The following CFAP46 variants were observed in gnomAD, a reference collection of about 807,000 sequenced individuals.
The protein encoded by CFAP46 is cilia and flagella associated protein 46.
A neutral mutation model predicts 325.7 loss-of-function variants in CFAP46; 245 were observed. The observed-to-expected ratio is 0.75, with a 90% confidence interval of 0.68 to 0.84. The LOEUF (loss-of-function observed/expected upper bound fraction) is 0.84, where lower values mean the gene tolerates loss of function less well. CFAP46 is among the 40% of genes least tolerant of loss of function. CFAP46 has a pLI of 0.00. For synonymous variants in CFAP46, 1,523 were observed against 1,495.9 expected, an observed-to-expected ratio of 1.02 and a Z score of -0.42; for missense variants, 3,346 against 3,543.0, an observed-to-expected ratio of 0.94 and a Z score of 1.41.
At chr10:132,933,144 G>A (rs1039956222) in intron 8 of CFAP46, among the ~76,000 whole-genome samples, 1 of 152,226 alleles carries the variant, frequency 6.6e-6, no homozygotes, top group African/African-American at 2.4e-5. Flanking sequence ...CTGGGTAGCT[G>A]TGGGCAGGAG....
At chr10:132,823,535 CGCTGTGTGCTGTGT>C (rs1438273689) in intron 50 of CFAP46, among the ~76,000 whole-genome samples, 2 of 63,798 alleles carry the variant, frequency 3.1e-5, no homozygotes, top group Non-Finnish European at 6.0e-5. Flanking sequence ...GTGCTGTGTG[CGCTGTGTGCTGTGT>C]GCTGATGTGT....
At position 132,896,620 on chromosome 10, in the gene CFAP46, A is replaced by G. The variant is rs183975860; in HGVS notation, c.3219+2339T>C. ...ATAAACAAAAAGATAGACCATGTTCATGGATAGGAAGCCTTAACATTGTTA... is the reference window on the plus strand; with the variant it reads ...ATAAACAAAAAGATAGACCATGTTCGTGGATAGGAAGCCTTAACATTGTTA... On this transcript the variant is annotated intron_variant, in intron 24 of 57. Coordinates refer to ENST00000368586, the MANE Select transcript of CFAP46 (RefSeq NM_001200049.3). Among the ~76,000 whole-genome samples, 537 of 152,368 alleles carry G rather than the reference A, an allele frequency of 3.5e-3. 3 individuals are homozygous for G. Among genetic ancestry groups the G allele is most frequent in the Admixed American group, 8.8e-3 (135 of 15,312 alleles).
At chr10:132,918,819 T>C (rs1849676588) in intron 15 of CFAP46, among the ~76,000 whole-genome samples, 1 of 152,106 alleles carries the variant, frequency 6.6e-6, no homozygotes, top group East Asian at 1.9e-4. Context: ...TCCCCTGCCT[T>C]CTTGGGGGGT....
rs34588833 is a variant in CFAP46 at position 132,846,069 on chromosome 10, G to A, written c.6426C>T (p.Ala2142=). The stretch of plus-strand genomic sequence containing the variant: ...CGTGCCCGCTTACCTTGGACACGGC[G>A]GCCAGCCTCTGCTCCACACGGGCGC... The part of the protein sequence containing the change: ...SLGARVEQRL[A]AVSKAWQNLC... Residue 2142 remains alanine, a synonymous_variant, in exon 44 of 58, where the codon GCC becomes GCT. Coordinates refer to ENST00000368586, the MANE Select transcript of CFAP46 (RefSeq NM_001200049.3). 0.027 allele frequency: 42,540 copies of A among 1,583,634 alleles called. 1,953 individuals carry two copies. The highest frequency in any genetic ancestry group is 0.2 in the African/African-American group (15,208 of 74,686).
At position 132,834,755 on chromosome 10, in the gene CFAP46, C is replaced by T. The variant is rs373818627; in HGVS notation, c.6765G>A (p.Val2255=). 3.5e-5 allele frequency: 57 copies of T among 1,612,356 alleles called. No homozygotes were observed. Among genetic ancestry groups the T allele is most frequent in the Non-Finnish European group, 4.4e-5 (52 of 1,179,350 alleles). The change falls in exon 48 of 58, where the codon GTG becomes GTA. Residue 2255 remains valine (V), a synonymous_variant. Transcript: ENST00000368586. ...TCTGCACAGGGCGCTCCTTCTCTTC[C>T]ACCTGCAGGCCTTCTGGTTCCTACC... The part of the protein sequence containing the change: ...NIGSEPEGLQ[V]EEKERPVQRL...
In CFAP46 at chr10:132,860,780, A is replaced by G; in HGVS notation, c.5091+2T>C. The G allele has an allele frequency of 6.4e-7, 1 of 1,550,608 alleles. No individual in the cohort carries two copies. Among genetic ancestry groups the G allele is most frequent in the African/African-American group, 1.4e-5 (1 of 73,146 alleles). On this transcript the variant is annotated splice_donor_variant, in intron 36 of 57. Coordinates refer to ENST00000368586, the MANE Select transcript of CFAP46 (RefSeq NM_001200049.3). LOFTEE classifies it high-confidence loss of function. The stretch of plus-strand genomic sequence containing the variant: ...GCAGCCCCAGGTCCCCGTGCCTCTT[A>G]CCGTAGCTTCCCTTCCTGAGTGTTC...
chr10:132,926,890 G>A (rs1849819287), intron 9 of CFAP46, among the ~76,000 whole-genome samples: 2 of 152,212 alleles, frequency 1.3e-5, no homozygotes, highest in African/African-American at 2.4e-5. Flanking sequence ...ACCTGAGAGC[G>A]GCACGGGAGG....
At chr10:132,908,044 C>T (rs1849482187) in intron 22 of CFAP46, among the ~76,000 whole-genome samples, 1 of 152,260 alleles carries the variant, frequency 6.6e-6, no homozygotes, top group African/African-American at 2.4e-5. Context: ...AATGCACACG[C>T]GGCCAGCAGG....
intron 39 of CFAP46, among the ~76,000 whole-genome samples, chr10:132,853,529 A>T (rs1257517331): frequency 6.6e-6 from 1 of 152,212 alleles, no homozygotes; most frequent in Non-Finnish European, 1.5e-5. Context: ...TATTTGTATC[A>T]TAGAAAAAGT....
intron 19 of CFAP46, 50 bp downstream of exon 19, chr10:132,912,603 TCC>T: frequency 7.4e-7 from 1 of 1,360,226 alleles, no homozygotes; most frequent in Non-Finnish European, 9.7e-7. Flanking sequence ...CTCTCCTCTC[TCC>T]TCTCTCTCTC....
intron 24 of CFAP46, among the ~76,000 whole-genome samples, chr10:132,892,983 G>C (rs1008432334): frequency 6.6e-5 from 10 of 152,168 alleles, no homozygotes; most frequent in Admixed American, 1.3e-4. Context: ...ACTGGTCTCA[G>C]CCAGCACCAG....
chr10:132,885,783 TGGAGGGAGCACTCAC>T (rs1849118742), intron 26 of CFAP46, 23 bp downstream of exon 26: 1 of 1,370,646 alleles, frequency 7.3e-7, no homozygotes, highest in African/African-American at 3.5e-5. Context: ...ACTCAGGCGG[TGGAGGGAGCACTCAC>T]AGGCGGTGGG....
intron 38 of CFAP46, among the ~76,000 whole-genome samples, 182 bp downstream of exon 38, chr10:132,858,889 G>A (rs1442666246): frequency 6.6e-6 from 1 of 152,138 alleles, no homozygotes; most frequent in Non-Finnish European, 1.5e-5. Context: ...GACGGGGAGG[G>A]CTGGGCATGT....
rs556831958 is a variant in CFAP46, at chr10:132,835,236, G to T, written c.6744+68C>A. The T allele has an allele frequency of 8.9e-6, 14 of 1,578,518 alleles. No individual in the cohort carries two copies. The African/African-American group carries it at 1.9e-4, about 21-fold the overall frequency. On this transcript the variant is annotated intron_variant, in intron 47 of 57. Coordinates refer to ENST00000368586, the MANE Select transcript of CFAP46 (RefSeq NM_001200049.3). ...CCCGCCCCTCCCCCCACCTCGCCAG[G>T]GTCCTGGCTCCCAGGGGTGGGGAGC...
chr10:132,893,499 A>G (rs1226657325), intron 24 of CFAP46, among the ~76,000 whole-genome samples: 1 of 152,172 alleles, frequency 6.6e-6, no homozygotes, highest in African/African-American at 2.4e-5. Context: ...CTGGCAGGAA[A>G]CACTCTCTCG....
Position 132,872,710 on chromosome 10 carries a change from C to A in CFAP46, c.4477G>T (p.Gly1493Ter). The change falls in exon 32 of 58, where the codon GGA becomes TGA. Residue 1493 changes from glycine (G) to a stop codon, truncating the protein, a stop_gained. Transcript: ENST00000368586. LOFTEE classifies it high-confidence loss of function. ...TAGAGATCCGACAGGCCCTTGCTTCCCACCACGGAGTCCGAAATCAGCACC... is the reference window on the plus strand; with the variant it reads ...TAGAGATCCGACAGGCCCTTGCTTCACACCACGGAGTCCGAAATCAGCACC... ...LGVLISDSVV[G>*]SKGLSDLYHL... 6.4e-7 allele frequency: 1 copy of A among 1,550,700 alleles called. No homozygotes were observed. Among genetic ancestry groups the A allele is most frequent in the Non-Finnish European group, 8.7e-7 (1 of 1,147,030 alleles).
At chr10:132,849,346 T>G (rs1848496221) in intron 41 of CFAP46, among the ~76,000 whole-genome samples, 1 of 152,188 alleles carries the variant, frequency 6.6e-6, no homozygotes, top group African/African-American at 2.4e-5. Flanking sequence ...GGACAGACAT[T>G]TCAGGGCCGA....
At chr10:132,887,486 TCCCC>T (rs1849165733) in intron 25 of CFAP46, among the ~76,000 whole-genome samples, 1 of 101,420 alleles carries the variant, frequency 9.9e-6, no homozygotes, top group Non-Finnish European at 2.0e-5. Context: ...CTCTCCTCTC[TCCCC>T]TCTCGCCTAT....
chr10:132,865,101 G>A (rs966543297), intron 35 of CFAP46, among the ~76,000 whole-genome samples: 1 of 152,080 alleles, frequency 6.6e-6, no homozygotes, highest in Non-Finnish European at 1.5e-5. Flanking sequence ...TCAAAACATC[G>A]ACAGGCTGTC....
Sources: gnomAD v4.1 joint callset for allele counts (sites outside exome capture counted in the v4.1 genomes callset) on GRCh38, gnomAD v4.1.1 for gene constraint, MANE v1.5 for transcripts, NCBI Gene and HGNC (gene_info 2026-07-23, HGNC 2026-07-21) for gene names.